The following MECOM variants were observed in gnomAD, a reference collection of about 807,000 sequenced individuals.
MECOM encodes the protein MDS1 and EVI1 complex locus.
Under a neutral mutation model 116.3 loss-of-function variants are expected in MECOM, and 13 were observed. The ratio of observed to expected loss-of-function variants is 0.11; its 90% CI spans 0.07 to 0.18. The LOEUF (loss-of-function observed/expected upper bound fraction) is 0.18, where lower values mean the gene tolerates loss of function less well. Among genes scored for constraint, MECOM ranks in the 10% least tolerant of loss-of-function variants. The pLI, the probability that MECOM is intolerant of heterozygous loss-of-function variation, is 1.00. For missense variants in MECOM, 1,299 were observed against 1,509.0 expected, an observed-to-expected ratio of 0.86 and a Z score of 2.31; for synonymous variants, 528 against 535.2, an observed-to-expected ratio of 0.99 and a Z score of 0.19.
chr3:169,297,648 T>TA (rs901930359), intron 2 of MECOM, among the ~76,000 whole-genome samples: 1 of 149,930 alleles, frequency 6.7e-6, no homozygotes, highest in East Asian at 1.9e-4. Flanking sequence ...AATATTATTT[T>TA]AAAAAAAATC....
At chr3:169,554,507 C>T (rs74584950) in intron 1 of MECOM, among the ~76,000 whole-genome samples, 2,585 of 152,238 alleles carry the variant, frequency 0.017, 31 homozygotes, top group Middle Eastern at 0.048. Flanking sequence ...TTACTTTCAG[C>T]GTAAAATACA....
chr3:169,441,266 C>T lies in MECOM; in HGVS notation c.38-59742G>A, dbSNP rs554982140. On this transcript the variant is annotated intron_variant, in intron 1 of 16. Coordinates refer to ENST00000651503, the MANE Select transcript of MECOM (RefSeq NM_004991.4). Reference sequence around the variant, plus strand: ...TAAAGCAGCGCAACCAAGATATTCACGTTTCTGTGCTGTATGACAAAGATT... The same window carrying T: ...TAAAGCAGCGCAACCAAGATATTCATGTTTCTGTGCTGTATGACAAAGATT... Among the ~76,000 whole-genome samples, 114 of 152,208 alleles carry T rather than the reference C, an allele frequency of 7.5e-4. 1 individual carries two copies. The highest frequency in any genetic ancestry group is 2.7e-3 in the African/African-American group (112 of 41,520).
chr3:169,145,169 C>G (rs1487852403), intron 2 of MECOM: 1 of 496,508 alleles, frequency 2.0e-6, no homozygotes, highest in Admixed American at 4.3e-5. Flanking sequence ...CACACACACA[C>G]ACACACACAC....
At chr3:169,497,675 A>T (rs1479413490) in intron 1 of MECOM, among the ~76,000 whole-genome samples, 2 of 152,138 alleles carry the variant, frequency 1.3e-5, no homozygotes, top group East Asian at 3.9e-4. Context: ...CTCTCTTGTA[A>T]TTCATCCTGC....
intron 1 of MECOM, among the ~76,000 whole-genome samples, chr3:169,453,590 A>C (rs1745966931): frequency 6.6e-6 from 1 of 152,172 alleles, no homozygotes; most frequent in Non-Finnish European, 1.5e-5. Flanking sequence ...AGGCATAATC[A>C]ATATCATATA....
chr3:169,652,503 A>G (rs1478983238), intron 1 of MECOM, among the ~76,000 whole-genome samples: 1 of 152,170 alleles, frequency 6.6e-6, no homozygotes, highest in Non-Finnish European at 1.5e-5. Flanking sequence ...ACAGGCACTA[A>G]AAGCCTGTAA....
chr3:169,392,212 G>A (rs772084343), intron 1 of MECOM, among the ~76,000 whole-genome samples: 1 of 151,862 alleles, frequency 6.6e-6, no homozygotes, highest in Non-Finnish European at 1.5e-5. Flanking sequence ...CTTTTGCACT[G>A]GTTGATAAAG....
At chr3:169,350,445 A>G (rs1726127291) in intron 2 of MECOM, among the ~76,000 whole-genome samples, 1 of 151,904 alleles carries the variant, frequency 6.6e-6, no homozygotes, top group African/African-American at 2.4e-5. Context: ...TCACACTGTA[A>G]AAGATTGAGT....
chr3:169,656,934 A>G (rs1775612135), intron 1 of MECOM, among the ~76,000 whole-genome samples: 1 of 152,272 alleles, frequency 6.6e-6, no homozygotes, highest in Non-Finnish European at 1.5e-5. Context: ...TTAAATGCTG[A>G]ATAATTAGTA....
chr3:169,341,450 A>C (rs998604985), intron 2 of MECOM, among the ~76,000 whole-genome samples: 63 of 147,660 alleles, frequency 4.3e-4, no homozygotes, highest in Admixed American at 3.5e-3. Flanking sequence ...AAAAAAAAAA[A>C]CACAGAAGGG....
chr3:169,161,817 C>T (rs910996702), intron 2 of MECOM, among the ~76,000 whole-genome samples: 2 of 151,914 alleles, frequency 1.3e-5, no homozygotes, highest in Non-Finnish European at 2.9e-5. Context: ...CATTCATGTT[C>T]TGTGGATATG....
intron 2 of MECOM, 97 bp downstream of exon 2, chr3:169,381,090 G>A: frequency 9.3e-7 from 1 of 1,074,536 alleles, no homozygotes; most frequent in Non-Finnish European, 1.3e-6. Context: ...AAAACATATT[G>A]TAACAAATAT....
rs1304131926 is a variant in MECOM, at chr3:169,379,187, A to G, written c.375+2000T>C. On this transcript the variant is annotated intron_variant, in intron 2 of 16. Coordinates refer to ENST00000651503, the MANE Select transcript of MECOM (RefSeq NM_004991.4). ...AAAAAAAAAAACCCTAAGAAGAATCAAGAGCTCAACTGCTCCTCTGTGGAA... is the reference window on the plus strand; with the variant it reads ...AAAAAAAAAAACCCTAAGAAGAATCGAGAGCTCAACTGCTCCTCTGTGGAA... 2.0e-5 allele frequency among the ~76,000 whole-genome samples: 3 copies of G among 151,882 alleles called. No individual in the cohort carries two copies. The East Asian group carries it at 5.8e-4, about 29-fold the overall frequency.
intron 1 of MECOM, among the ~76,000 whole-genome samples, chr3:169,638,725 A>T (rs1773112189): frequency 6.6e-6 from 1 of 152,032 alleles, no homozygotes; most frequent in Non-Finnish European, 1.5e-5. Flanking sequence ...TATTCACTCC[A>T]TTTATCTCCC....
intron 2 of MECOM, among the ~76,000 whole-genome samples, chr3:169,371,772 A>T (rs1730181388): frequency 6.6e-6 from 1 of 152,020 alleles, no homozygotes; most frequent in Admixed American, 6.6e-5. Flanking sequence ...TCAAGCACAC[A>T]TTATTTGTCA....
At chr3:169,130,033 G>A (rs1734142712) in intron 4 of MECOM, among the ~76,000 whole-genome samples, 1 of 151,988 alleles carries the variant, frequency 6.6e-6, no homozygotes, top group South Asian at 2.1e-4. Flanking sequence ...AATATTATAA[G>A]AATTATATGT....
chr3:169,568,724 G>A (rs1289111799), intron 1 of MECOM, among the ~76,000 whole-genome samples: 1 of 152,054 alleles, frequency 6.6e-6, no homozygotes, highest in Non-Finnish European at 1.5e-5. Flanking sequence ...CCCAGTCAGG[G>A]GTTTATAGTT....
intron 2 of MECOM, among the ~76,000 whole-genome samples, chr3:169,186,840 A>G (rs558657004): frequency 1.3e-5 from 2 of 152,204 alleles, no homozygotes; most frequent in South Asian, 4.1e-4. Context: ...GTGACTTATG[A>G]GCTGCAGTCG....
intron 2 of MECOM, among the ~76,000 whole-genome samples, chr3:169,378,386 C>CAGGAAAGAAAGAAAGAAAGA (rs1731431640): frequency 1.7e-5 from 1 of 59,182 alleles, no homozygotes; most frequent in African/African-American, 5.9e-5. Context: ...GGAAGGAAGA[C>CAGGAAAGAAAGAAAGAAAGA]AAGAAAGAAA....
Sources: allele counts gnomAD v4.1 joint callset (sites outside exome capture counted in the v4.1 genomes callset), GRCh38; gene constraint gnomAD v4.1.1; transcripts MANE v1.5; gene names NCBI Gene and HGNC (gene_info 2026-07-23, HGNC 2026-07-21).